STARD9: variants seen among roughly 807,000 people sequenced by gnomAD.
The protein encoded by STARD9 is stAR-related lipid transfer protein 9.
Under a neutral mutation model 399.8 loss-of-function variants are expected in STARD9, and 346 were observed. The observed-to-expected ratio is 0.87, with a 90% CI of 0.79 to 0.95. STARD9 has a LOEUF of 0.95. Among genes scored for constraint, STARD9 ranks in the 40% least tolerant of loss-of-function variants. STARD9 has a pLI of 0.00. For missense variants in STARD9, 5,832 were observed against 5,667.5 expected (o/e 1.03, Z -0.93); for synonymous variants, 2,203 against 2,143.5 (o/e 1.03, Z -0.77).
chr15:42,680,937 A>T lies in STARD9; in HGVS notation c.1875-485A>T, dbSNP rs1296493351. Among the ~76,000 whole-genome samples, 3 of 152,148 alleles carry T rather than the reference A, an allele frequency of 2.0e-5. 1 individual carries two copies. The highest frequency in any genetic ancestry group is 2.9e-5 in the Non-Finnish European group (2 of 68,016). Reference sequence around the variant, plus strand: ...ATTATCAGCTGCCTTTTGCTACCAGATCACAGAGGATTTCTGTTTCAGGGA... The same window carrying T: ...ATTATCAGCTGCCTTTTGCTACCAGTTCACAGAGGATTTCTGTTTCAGGGA... On this transcript the variant is annotated intron_variant, in intron 20 of 32. Coordinates refer to ENST00000290607, the MANE Select transcript of STARD9 (RefSeq NM_020759.3).
At chr15:42,588,826 G>T (rs1187826505) in intron 3 of STARD9, among the ~76,000 whole-genome samples, 5 of 111,896 alleles carry the variant, frequency 4.5e-5, no homozygotes, top group Non-Finnish European at 7.0e-5. Flanking sequence ...GGAGTGGGGG[G>T]TGGGGGTGTG....
At chr15:42,658,458 G>GA (rs1324392268) in intron 9 of STARD9, among the ~76,000 whole-genome samples, 1 of 143,782 alleles carries the variant, frequency 7.0e-6, no homozygotes, top group Non-Finnish European at 1.5e-5. Flanking sequence ...TTACAGGCAT[G>GA]ACCCACCATG....
chr15:42,626,883 G>C (rs2059238047), intron 3 of STARD9, among the ~76,000 whole-genome samples: 1 of 150,702 alleles, frequency 6.6e-6, no homozygotes, highest in South Asian at 2.1e-4. Flanking sequence ...GTCTCTCTCT[G>C]TCACCCCAGG....
rs1458517268 is a variant in STARD9 at position 42,689,871 on chromosome 15, C to T, written c.8293C>T (p.Pro2765Ser). Residue 2765 changes from proline to serine, a missense_variant, in exon 23 of 33, where the codon CCG becomes TCG. This residue lies in a region of STARD9 where 5,828 missense variants were observed against 5,651.1 expected (regional missense o/e 1.03). Transcript: ENST00000290607. ...VTLHELSQSV[P>S]QETAEGIPPG... is the part of the protein sequence containing the mutation. The stretch of plus-strand genomic sequence containing the variant: ...TCTGCATGAGCTAAGTCAGTCAGTT[C>T]CGCAGGAGACTGCAGAGGGCATACC... 1 of 1,537,486 alleles carries T rather than the reference C, an allele frequency of 6.5e-7. No individual in the cohort carries two copies. Among genetic ancestry groups the T allele is most frequent in the Non-Finnish European group, 8.7e-7 (1 of 1,146,954 alleles).
At chr15:42,587,556 T>G (rs1020384747) in intron 3 of STARD9, among the ~76,000 whole-genome samples, 2 of 151,878 alleles carry the variant, frequency 1.3e-5, no homozygotes, top group South Asian at 2.1e-4. Flanking sequence ...GCCCTTGATT[T>G]ATGTATTTAT....
At chr15:42,578,609 C>A (rs967177889) in intron 1 of STARD9, among the ~76,000 whole-genome samples, 3 of 151,332 alleles carry the variant, frequency 2.0e-5, no homozygotes, top group African/African-American at 7.3e-5. Context: ...TTACTCTTTA[C>A]CCACTGTATA....
In STARD9 at chr15:42,689,546, C is replaced by G. The variant is rs572122353; in HGVS notation, c.7968C>G (p.Asp2656Glu). The change falls in exon 23 of 33, where the codon GAC becomes GAG. Residue 2656 changes from aspartate (D) to glutamate (E), a missense_variant. This residue lies in a region of STARD9 where 5,828 missense variants were observed against 5,651.1 expected (regional missense o/e 1.03). Coordinates refer to ENST00000290607, the MANE Select transcript of STARD9 (RefSeq NM_020759.3). ...SFESLPNTET[D>E]REPWDPVQAF... ...AATCTCTGCCCAATACGGAAACTGA[C>G]AGAGAGCCATGGGATCCTGTGCAGG... is the stretch of plus-strand genomic sequence containing the variant. The G allele has an allele frequency of 1.8e-4, 277 of 1,537,264 alleles. No homozygotes were observed. The highest frequency in any genetic ancestry group is 3.3e-4 in the Middle Eastern group (2 of 5,990).
In STARD9 at chr15:42,649,270, C is replaced by T. The variant is rs183399424; in HGVS notation, c.560-1746C>T. On this transcript the variant is annotated intron_variant, in intron 7 of 32. Transcript: ENST00000290607. ...GTCTTGAACTCCTGACCTCATGATC[C>T]ACCCGCCTCAGCCTCCCAAAGTGTT... Among the ~76,000 whole-genome samples, 264 of 152,084 alleles carry T rather than the reference C, an allele frequency of 1.7e-3. 8 individuals carry two copies. The East Asian group carries it at 0.039, about 22-fold the overall frequency.
Position 42,685,108 on chromosome 15 carries a change from C to T in STARD9, c.3530C>T (p.Thr1177Ile). Residue 1177 changes from threonine (T) to isoleucine (I), a missense_variant, in exon 23 of 33, where the codon ACC becomes ATC. Thr to Ile is a moderately conservative substitution (Grantham distance 89, BLOSUM62 -1). Coordinates refer to ENST00000290607, the MANE Select transcript of STARD9 (RefSeq NM_020759.3). ...RPTNNRGQPR[T>I]RTRASVRGFT... ...ACCAACAACCGTGGCCAACCCAGGA[C>T]CAGAACTAGAGCTTCTGTGAGGGGC... is the stretch of plus-strand genomic sequence containing the variant. 1 of 1,537,176 alleles carries T rather than the reference C, an allele frequency of 6.5e-7. No homozygotes were observed. Among genetic ancestry groups the T allele is most frequent in the Middle Eastern group, 1.7e-4 (1 of 5,990 alleles).
In STARD9 at chr15:42,674,867, C is replaced by T. The variant is rs945050564; in HGVS notation, c.1590C>T (p.Ile530=). ...GGATTGAGAGAGACCACTGCACTAT[C>T]ACCAGTGCCTGTGGTGTAGTTGTTC... ...GQWIERDHCT[I]TSACGVVVLR... is the part of the protein sequence containing the mutation. Residue 530 remains isoleucine (I), a synonymous_variant, in exon 18 of 33, where the codon ATC becomes ATT. Coordinates refer to ENST00000290607, the MANE Select transcript of STARD9 (RefSeq NM_020759.3). The T allele has an allele frequency of 6.5e-7, 1 of 1,536,760 alleles. No homozygotes were observed. Among genetic ancestry groups the T allele is most frequent in the African/African-American group, 1.4e-5 (1 of 73,042 alleles).
chr15:42,645,552 A>T (rs1397185874), intron 7 of STARD9, among the ~76,000 whole-genome samples: 2 of 149,864 alleles, frequency 1.3e-5, no homozygotes, highest in Non-Finnish European at 3.0e-5. Flanking sequence ...ATGATTCTTA[A>T]GGGCCCTAGG....
rs2060771225 is a variant in STARD9, at chr15:42,693,684, G to A, written c.12106G>A (p.Val4036Met). Reference protein sequence around the residue: ...RLGNSFVPEKVASPEHCPLSG... With the variant: ...RLGNSFVPEKMASPEHCPLSG... ...GGGCAACAGCTTTGTGCCTGAGAAG[G>A]TGGCTTCCCCGGAGCATTGCCCACT... The change falls in exon 23 of 33, where the codon GTG becomes ATG. Residue 4036 changes from valine (V) to methionine (M), a missense_variant. By Grantham distance (21) the Val-to-Met change is conservative. Coordinates refer to ENST00000290607, the MANE Select transcript of STARD9 (RefSeq NM_020759.3). 2 of 1,537,208 alleles carry A rather than the reference G, an allele frequency of 1.3e-6. No individual in the cohort carries two copies. The highest frequency in any genetic ancestry group is 2.0e-5 in the Admixed American group (1 of 51,008).
intron 7 of STARD9, among the ~76,000 whole-genome samples, chr15:42,639,166 A>G (rs917138516): frequency 2.6e-5 from 4 of 152,238 alleles, no homozygotes; most frequent in African/African-American, 4.8e-5. Context: ...TGAAAGGAGT[A>G]TAGTCGTGTG....
At chr15:42,589,834 T>G (rs2058359598) in intron 3 of STARD9, among the ~76,000 whole-genome samples, 1 of 151,824 alleles carries the variant, frequency 6.6e-6, no homozygotes, top group Non-Finnish European at 1.5e-5. Flanking sequence ...CTCAAACTCC[T>G]GACCTTGTGA....
At chr15:42,603,074 A>C (rs185241161) in intron 3 of STARD9, among the ~76,000 whole-genome samples, 2 of 152,146 alleles carry the variant, frequency 1.3e-5, no homozygotes, top group Admixed American at 1.3e-4. Context: ...TTTCCAGGAT[A>C]AAGTTTGAGG....
In STARD9 at chr15:42,716,228, G is replaced by A. The variant is rs959814910; in HGVS notation, c.13285-449G>A. 2.0e-5 allele frequency among the ~76,000 whole-genome samples: 3 copies of A among 152,072 alleles called. No individual in the cohort carries two copies. In the East Asian group the frequency reaches 5.8e-4, roughly 29 times the overall value. ...AGCTTGGCTGCTGCACCTGGGGTGG[G>A]GGTCAAGCGTTCAGCTTTTCATAGC... On this transcript the variant is annotated intron_variant, in intron 26 of 32. Transcript: ENST00000290607.
intron 20 of STARD9, among the ~76,000 whole-genome samples, chr15:42,679,468 C>A (rs1488131734): frequency 6.6e-6 from 1 of 152,190 alleles, no homozygotes; most frequent in Non-Finnish European, 1.5e-5. Context: ...GTCCTTGGAC[C>A]TGTTGCAGAT....
intron 3 of STARD9, among the ~76,000 whole-genome samples, chr15:42,622,168 ACTTGGAGGCCACGG>A (rs2059106057): frequency 6.6e-6 from 1 of 152,128 alleles, no homozygotes; most frequent in Non-Finnish European, 1.5e-5. Context: ...AGTCCTAGCT[ACTTGGAGGCCACGG>A]CAACTCCTTG....
intron 15 of STARD9, among the ~76,000 whole-genome samples, chr15:42,667,113 C>T (rs910795971): frequency 6.6e-6 from 1 of 151,968 alleles, no homozygotes; most frequent in African/African-American, 2.4e-5. Flanking sequence ...CTGTACCTGG[C>T]CCCCAGAGAT....
Sources: allele counts gnomAD v4.1 joint callset (sites outside exome capture counted in the v4.1 genomes callset), GRCh38; gene constraint gnomAD v4.1.1; regional missense constraint gnomAD v4.1.1; transcripts MANE v1.5; gene names NCBI Gene and HGNC (gene_info 2026-07-23, HGNC 2026-07-21).